The following ZNF77 variants were observed in gnomAD, a reference collection of about 807,000 sequenced individuals.
ZNF77 encodes the protein zinc finger protein 77, also known as ZNFpT1.
Under a neutral mutation model 13.5 loss-of-function variants are expected in ZNF77, and 15 were observed. The ratio of observed to expected loss-of-function variants is 1.11; its 90% confidence interval spans 0.74 to 1.71. The LOEUF (loss-of-function observed/expected upper bound fraction) is 1.71. ZNF77 is among the 40% of genes most tolerant of loss of function. The pLI is 0.00. For missense variants in ZNF77, 717 were observed against 676.4 expected, an observed-to-expected ratio of 1.06 and a Z score of -0.67; for synonymous variants, 282 against 250.0, an observed-to-expected ratio of 1.13 and a Z score of -1.21.
At position 2,944,942 on chromosome 19, in the gene ZNF77, A is replaced by G; in HGVS notation, c.-102T>C. The G allele has an allele frequency of 7.1e-7, 1 of 1,416,008 alleles. No individual in the cohort carries two copies. Among genetic ancestry groups the G allele is most frequent in the Non-Finnish European group, 9.3e-7 (1 of 1,075,724 alleles). 87.7% of individuals were successfully genotyped at this position (1,416,008 alleles called of 1,614,324 possible). A position where few individuals can be genotyped will look rare whatever the true frequency, so the allele number is the denominator to read the frequency against. On this transcript the variant is annotated 5_prime_UTR_variant, in exon 1 of 4. Coordinates refer to ENST00000314531, the MANE Select transcript of ZNF77 (RefSeq NM_021217.3). ...CCTGAGCCGCTCGGGGTAGGCGGGG[A>G]AGCGCGCAAGGCAGAGGGGAACTCG...
At chr19:2,944,266 T>A (rs1311225567) in intron 1 of ZNF77, among the ~76,000 whole-genome samples, 1 of 127,582 alleles carries the variant, frequency 7.8e-6, no homozygotes, top group African/African-American at 3.0e-5. Context: ...GCTTCTGCTG[T>A]CCCCTCGAGC....
At chr19:2,943,283 C>T (rs1430814129) in intron 1 of ZNF77, among the ~76,000 whole-genome samples, 2 of 152,060 alleles carry the variant, frequency 1.3e-5, no homozygotes, top group Admixed American at 6.6e-5. Context: ...AACCCTTCTC[C>T]CTATTGCAAC....
At position 2,934,646 on chromosome 19, in the gene ZNF77, G is replaced by A; in HGVS notation, c.481C>T (p.Gln161Ter). Reference protein sequence around the residue: ...FENRQRSHTGQRPCKECGQAC... With the variant: ...FENRQRSHTG ...TGCCCACATTCCTTACACGGTCTCT[G>A]TCCAGTGTGAGATCTCTGCCGATTC... The change falls in exon 4 of 4, where the codon CAG becomes TAG. Residue 161 changes from glutamine to a stop codon, truncating the protein, a stop_gained. Coordinates refer to ENST00000314531, the MANE Select transcript of ZNF77 (RefSeq NM_021217.3). LOFTEE classifies it low-confidence loss of function (END_TRUNC). 1.2e-6 allele frequency: 2 copies of A among 1,614,148 alleles called. No individual in the cohort carries two copies. The highest frequency in any genetic ancestry group is 1.7e-5 in the Admixed American group (1 of 60,006).
intron 1 of ZNF77, among the ~76,000 whole-genome samples, chr19:2,940,652 A>C: frequency 6.7e-6 from 1 of 150,278 alleles, no homozygotes; most frequent in Non-Finnish European, 1.5e-5. Flanking sequence ...CAGTCTAGCA[A>C]CAGAGTGAGT....
chr19:2,934,375 T>C lies in ZNF77; in HGVS notation c.752A>G (p.Tyr251Cys). 6.2e-7 allele frequency: 1 copy of C among 1,614,228 alleles called. No individual in the cohort carries two copies. The highest frequency in any genetic ancestry group is 8.5e-7 in the Non-Finnish European group (1 of 1,180,052). ...TACGTGCCGTGTAAGGTAGGAGTAA[T>C]ACATAAAGGTCTTCCCACATACTTT... ...ACKVCGKTFM[Y>C]YSYLTRHVRT... Residue 251 changes from tyrosine to cysteine, a missense_variant, in exon 4 of 4, where the codon TAT becomes TGT. Coordinates refer to ENST00000314531, the MANE Select transcript of ZNF77 (RefSeq NM_021217.3).
In ZNF77 at chr19:2,944,969, C is replaced by T. The variant is rs578220032; in HGVS notation, c.-129G>A. 1.0e-4 allele frequency: 128 copies of T among 1,228,138 alleles called. No individual in the cohort carries two copies. Among genetic ancestry groups the T allele is most frequent in the Middle Eastern group, 4.1e-4 (2 of 4,840 alleles). The allele number at this position is 1,228,138 out of a possible 1,614,324, so 76.1% of individuals were successfully genotyped here. On this transcript the variant is annotated 5_prime_UTR_variant, in exon 1 of 4. Transcript: ENST00000314531. ...GCGCGCAAGGCAGAGGGGAACTCGG[C>T]TTACCGTCCTCGGGGTCTGATTGGA...
chr19:2,934,449 A>G lies in ZNF77; in HGVS notation c.678T>C (p.Ser226=). The G allele has an allele frequency of 6.2e-7, 1 of 1,614,242 alleles. No homozygotes were observed. The highest frequency in any genetic ancestry group is 8.5e-7 in the Non-Finnish European group (1 of 1,180,044). The stretch of plus-strand genomic sequence containing the variant: ...GATGACTATTCACATGTCCCCTGAA[A>G]GATGAGGGACAAATGAAAGCTTTTC... ...KCGKAFICPS[S]FRGHVNSHHG... Residue 226 remains serine, a synonymous_variant, in exon 4 of 4, where the codon TCT becomes TCC. Coordinates refer to ENST00000314531, the MANE Select transcript of ZNF77 (RefSeq NM_021217.3).
Position 2,939,372 on chromosome 19 carries a change from G to A in ZNF77, c.39C>T (p.Phe13=), listed in dbSNP as rs780417318. The stretch of plus-strand genomic sequence containing the variant: ...CCAGCAATGCCCACTCTTCTGGGGT[G>A]AAGTTCACAGCCACTTCCTCAAAGA... ...CVIFEEVAVN[F]TPEEWALLDH... The change falls in exon 2 of 4, where the codon TTC becomes TTT. Residue 13 remains phenylalanine, a synonymous_variant. Transcript: ENST00000314531. The A allele has an allele frequency of 6.2e-7, 1 of 1,614,190 alleles. No individual in the cohort carries two copies. Among genetic ancestry groups the A allele is most frequent in the Non-Finnish European group, 8.5e-7 (1 of 1,180,018 alleles).
Position 2,933,998 on chromosome 19 carries a change from C to T in ZNF77, c.1129G>A (p.Glu377Lys). ...CACTGCTTGCACACATAGGGCTTCTCTCCGGTGTGCATTCTCATGTGTGCT... is the reference window on the plus strand; with the variant it reads ...CACTGCTTGCACACATAGGGCTTCTTTCCGGTGTGCATTCTCATGTGTGCT... ...LRAHMRMHTG[E>K]KPYVCKQCGK... Residue 377 changes from glutamate (E) to lysine (K), a missense_variant, in exon 4 of 4, where the codon GAG becomes AAG. Coordinates refer to ENST00000314531, the MANE Select transcript of ZNF77 (RefSeq NM_021217.3). The T allele has an allele frequency of 1.9e-6, 3 of 1,614,220 alleles. No individual in the cohort carries two copies. Among genetic ancestry groups the T allele is most frequent in the Non-Finnish European group, 1.7e-6 (2 of 1,180,038 alleles).
rs2088365294 is a variant in ZNF77 at position 2,933,708 on chromosome 19, G to C, written c.1419C>G (p.Phe473Leu). 1 of 1,611,544 alleles carries C rather than the reference G, an allele frequency of 6.2e-7. No individual in the cohort carries two copies. Among genetic ancestry groups the C allele is most frequent in the Non-Finnish European group, 8.5e-7 (1 of 1,177,994 alleles). Residue 473 changes from phenylalanine (F) to leucine (L), a missense_variant, in exon 4 of 4, where the codon TTC (phenylalanine) becomes TTG (leucine). Physicochemically the swap from Phe to Leu is conservative, Grantham distance 22. Coordinates refer to ENST00000314531, the MANE Select transcript of ZNF77 (RefSeq NM_021217.3). ...PYECNQCGKA[F>L]SHAQYFQKHV... Reference sequence around the variant, plus strand: ...GCTTTTGAAAGTACTGAGCGTGGCTGAAGGCTTTCCCACATTGATTACATT... The same window carrying C: ...GCTTTTGAAAGTACTGAGCGTGGCTCAAGGCTTTCCCACATTGATTACATT...
chr19:2,938,750 A>T (rs1047365487), intron 2 of ZNF77, among the ~76,000 whole-genome samples: 1 of 152,086 alleles, frequency 6.6e-6, no homozygotes, highest in Non-Finnish European at 1.5e-5. Context: ...AGGTCAGGAG[A>T]TCGAGACCAT....
At chr19:2,943,240 C>T (rs1364977203) in intron 1 of ZNF77, among the ~76,000 whole-genome samples, 2 of 151,804 alleles carry the variant, frequency 1.3e-5, no homozygotes, top group Non-Finnish European at 2.9e-5. Flanking sequence ...AACCTCAAGC[C>T]TCTGGCATTA....
At chr19:2,942,839 G>C (rs913867264) in intron 1 of ZNF77, among the ~76,000 whole-genome samples, 8 of 152,090 alleles carry the variant, frequency 5.3e-5, no homozygotes, top group African/African-American at 1.9e-4. Flanking sequence ...GAGTGCAGTG[G>C]TGTGATCATG....
intron 1 of ZNF77, 190 bp from the exon 2 acceptor site, chr19:2,939,597 C>A: frequency 1.5e-6 from 1 of 670,738 alleles, no homozygotes; most frequent in East Asian, 2.9e-5. Context: ...GAGCAAAGCG[C>A]AATGACGGCC....
In ZNF77 at chr19:2,937,810, G is replaced by T. The variant is rs117357336; in HGVS notation, c.131-1106C>A. Reference sequence around the variant, plus strand: ...CTCACACTGTCACCAAGACTGGAGTGCAGTGGCACTTTGTTGGCTCACTGC... The same window carrying T: ...CTCACACTGTCACCAAGACTGGAGTTCAGTGGCACTTTGTTGGCTCACTGC... On this transcript the variant is annotated intron_variant, in intron 2 of 3. Transcript: ENST00000314531. 2.3e-4 allele frequency among the ~76,000 whole-genome samples: 35 copies of T among 152,244 alleles called. No homozygotes were observed. In the East Asian group the frequency reaches 5.4e-3, roughly 24 times the overall value.
At chr19:2,940,973 G>C (rs1303418735) in intron 1 of ZNF77, among the ~76,000 whole-genome samples, 1 of 151,874 alleles carries the variant, frequency 6.6e-6, no homozygotes, top group Non-Finnish European at 1.5e-5. Flanking sequence ...CCAGAAGCTT[G>C]GGACCAGCCT....
In ZNF77 at chr19:2,933,655, G is replaced by T. The variant is rs1198555823; in HGVS notation, c.1472C>A (p.Pro491His). ...KHVRSHSGVKPYECTECGKAY... is the reference protein window; with the variant it reads ...KHVRSHSGVKHYECTECGKAY... ...TTTCCCACATTCAGTACATTCGTAG[G>T]GTTTGACCCCACTGTGTGATCTCAC... is the stretch of plus-strand genomic sequence containing the variant. The change falls in exon 4 of 4, where the codon CCC (proline) becomes CAC (histidine). Residue 491 changes from proline (P) to histidine (H), a missense_variant. Physicochemically the swap from Pro to His is moderately conservative, Grantham distance 77 (BLOSUM62 -2). Transcript: ENST00000314531. 1.9e-6 allele frequency: 3 copies of T among 1,613,706 alleles called. No homozygotes were observed. Among genetic ancestry groups the T allele is most frequent in the Non-Finnish European group, 2.5e-6 (3 of 1,179,728 alleles).
rs761743871 is a variant in ZNF77, at chr19:2,933,770, C to T, written c.1357G>A (p.Glu453Lys). ...KAFSCHSSLR[E>K]HVRTHSGEKP... ...TCTCCGCTGTGGGTTCGCACATGCTCTCGAAGGGAGGAGTGACAGCTGAAG... is the reference window on the plus strand; with the variant it reads ...TCTCCGCTGTGGGTTCGCACATGCTTTCGAAGGGAGGAGTGACAGCTGAAG... The change falls in exon 4 of 4, where the codon GAG (glutamate) becomes AAG (lysine). Residue 453 changes from glutamate to lysine, a missense_variant. By Grantham distance (56) the Glu-to-Lys change is moderately conservative (BLOSUM62 1). Transcript: ENST00000314531. 9.9e-6 allele frequency: 16 copies of T among 1,612,996 alleles called. No homozygotes were observed. In the Admixed American group the frequency reaches 2.7e-4, roughly 27 times the overall value.
At position 2,939,409 on chromosome 19, in the gene ZNF77, T is replaced by A. The variant is rs979092416; in HGVS notation, c.4-2A>T. 1 of 1,613,874 alleles carries A rather than the reference T, an allele frequency of 6.2e-7. No homozygotes were observed. Among genetic ancestry groups the A allele is most frequent in the Non-Finnish European group, 8.5e-7 (1 of 1,179,828 alleles). The stretch of plus-strand genomic sequence containing the variant: ...CACTTCCTCAAAGATCACGCAGTCC[T>A]AAAACATTCCACACATCCCACTTCA... On this transcript the variant is annotated splice_acceptor_variant, in intron 1 of 3. Coordinates refer to ENST00000314531, the MANE Select transcript of ZNF77 (RefSeq NM_021217.3). LOFTEE classifies it high-confidence loss of function.
Sources: gnomAD v4.1 joint callset for allele counts (sites outside exome capture counted in the v4.1 genomes callset) on GRCh38, gnomAD v4.1.1 for gene constraint, MANE v1.5 for transcripts, NCBI Gene and HGNC (gene_info 2026-07-23, HGNC 2026-07-21) for gene names.